KAT14: variants seen among roughly 807,000 people sequenced by gnomAD.
KAT14 encodes cysteine-rich protein 2-binding protein.
A neutral mutation model predicts 78.4 loss-of-function variants in KAT14; 66 were observed. The ratio of observed to expected loss-of-function variants is 0.84; its 90% CI spans 0.69 to 1.03. The LOEUF (loss-of-function observed/expected upper bound fraction) is 1.03, where lower values mean the gene tolerates loss of function less well. Ranked by LOEUF, KAT14 falls within the 50% of genes least tolerant of loss-of-function variation. The pLI, the probability that KAT14 is intolerant of heterozygous loss-of-function variation, is 0.00. For synonymous variants in KAT14, 344 were observed against 359.4 expected (o/e 0.96, Z 0.48); for missense variants, 870 against 972.5 (o/e 0.89, Z 1.40).
chr20:18,168,994 T>C (rs1205201), intron 7 of KAT14, among the ~76,000 whole-genome samples: 19,341 of 152,174 alleles, frequency 0.13, 1,814 homozygotes, highest in East Asian at 0.51. Flanking sequence ...TGTTCTTTTT[T>C]TTCATCTTTT....
At chr20:18,161,691 G>A (rs1460125012) in intron 5 of KAT14, 132 bp from the exon 6 acceptor site, 15 of 1,268,464 alleles carry the variant, frequency 1.2e-5, no homozygotes, top group Non-Finnish European at 1.5e-5. Context: ...TGTATTTCTG[G>A]GTTTGGGATA....
intron 2 of KAT14, among the ~76,000 whole-genome samples, chr20:18,144,378 T>C (rs1416043732): frequency 6.6e-6 from 1 of 152,220 alleles, no homozygotes; most frequent in Non-Finnish European, 1.5e-5. Flanking sequence ...GTTTCTTTGA[T>C]TCCCACACAA....
intron 7 of KAT14, among the ~76,000 whole-genome samples, chr20:18,177,258 C>A (rs1290338597): frequency 6.6e-6 from 1 of 152,182 alleles, no homozygotes; most frequent in East Asian, 1.9e-4. Context: ...GAGAGCCTCT[C>A]TTCCTCCAGA....
chr20:18,181,364 CTTTTTTTTTTTT>C (rs762890490), intron 7 of KAT14, among the ~76,000 whole-genome samples: 1 of 106,800 alleles, frequency 9.4e-6, no homozygotes, highest in Non-Finnish European at 1.9e-5. Flanking sequence ...AATTTTGTTT[CTTTTTTTTTTTT>C]TTTTTTTTTT....
intron 3 of KAT14, among the ~76,000 whole-genome samples, chr20:18,145,762 C>A (rs2037804318): frequency 6.6e-6 from 1 of 150,738 alleles, no homozygotes; most frequent in Admixed American, 6.6e-5. Flanking sequence ...GCTTGGGCGA[C>A]AAAGTGTGAC....
chr20:18,137,849 G>C (rs1459182525), upstream of KAT14: 8 of 1,181,730 alleles, frequency 6.8e-6, no homozygotes, highest in Non-Finnish European at 8.8e-6. Context: ...CTGGGGCTCT[G>C]CGCTCGAGGG....
At chr20:18,173,546 A>G (rs749698830) in intron 7 of KAT14, among the ~76,000 whole-genome samples, 9 of 151,544 alleles carry the variant, frequency 5.9e-5, no homozygotes, top group Middle Eastern at 6.9e-3. Flanking sequence ...GAAATTCCCC[A>G]TTATTGCTTC....
At chr20:18,138,445 G>T (rs116884076) in intron 1 of KAT14, 50,141 of 997,326 alleles carry the variant, frequency 0.05, 1,354 homozygotes, top group Middle Eastern at 0.082. Context: ...AAAATAGAAG[G>T]TGGGGAAGGA....
At chr20:18,186,397 A>G (rs2039455751) in intron 10 of KAT14, among the ~76,000 whole-genome samples, 1 of 152,226 alleles carries the variant, frequency 6.6e-6, no homozygotes. Context: ...TCCCTGGCAT[A>G]CTGGTAAGTG....
At chr20:18,168,943 A>G (rs2038753644) in intron 7 of KAT14, among the ~76,000 whole-genome samples, 1 of 144,252 alleles carries the variant, frequency 6.9e-6, no homozygotes, top group African/African-American at 2.5e-5. Context: ...TGTGTTTATT[A>G]CACCTTTTGT....
chr20:18,178,885 G>T (rs540323766), intron 7 of KAT14, among the ~76,000 whole-genome samples: 1 of 152,250 alleles, frequency 6.6e-6, no homozygotes, highest in Non-Finnish European at 1.5e-5. Context: ...CTGAGACAAG[G>T]CAAGTCCCTT....
intron 4 of KAT14, among the ~76,000 whole-genome samples, chr20:18,154,918 C>T (rs975096332): frequency 6.6e-6 from 1 of 152,174 alleles, no homozygotes; most frequent in African/African-American, 2.4e-5. Context: ...AAGGCCAGGA[C>T]TGTAAAAGCA....
chr20:18,139,171 G>T (rs2037423905), intron 1 of KAT14, among the ~76,000 whole-genome samples: 1 of 152,150 alleles, frequency 6.6e-6, no homozygotes, highest in Non-Finnish European at 1.5e-5. Context: ...TTTGACGAGG[G>T]GTTGAGATGA....
chr20:18,166,596 T>C (rs1284453288), intron 7 of KAT14, among the ~76,000 whole-genome samples: 1 of 152,248 alleles, frequency 6.6e-6, no homozygotes, highest in Non-Finnish European at 1.5e-5. Context: ...GGAAACTTTT[T>C]ACTTTCTACA....
intron 4 of KAT14, among the ~76,000 whole-genome samples, chr20:18,155,446 G>A (rs2038193062): frequency 6.6e-6 from 1 of 152,098 alleles, no homozygotes; most frequent in Admixed American, 6.6e-5. Flanking sequence ...TAGCATCCAG[G>A]GTGGGCAAAA....
chr20:18,162,707 G>C lies in KAT14; in HGVS notation c.1430G>C (p.Cys477Ser). The change falls in exon 7 of 11, where the codon TGT (cysteine) becomes TCT (serine). Residue 477 changes from cysteine (C) to serine (S), a missense_variant. Physicochemically the swap from Cys to Ser is moderately radical, Grantham distance 112 (BLOSUM62 -1). Coordinates refer to ENST00000688188, the MANE Select transcript of KAT14 (RefSeq NM_001392073.1). ...EKLLLKRLEA[C>S]PGAVAMTPEA... ...CTGCTGCTCAAGAGGCTGGAAGCTT[G>C]TCCCGGTGCTGTTGCCATGACTCCG... 1 of 1,614,230 alleles carries C rather than the reference G, an allele frequency of 6.2e-7. No individual in the cohort carries two copies.
At position 18,162,964 on chromosome 20, in the gene KAT14, T is replaced by C; in HGVS notation, c.1668+19T>C. On this transcript the variant is annotated intron_variant, in intron 7 of 10. Coordinates refer to ENST00000688188, the MANE Select transcript of KAT14 (RefSeq NM_001392073.1). ...ATACCAGGTGAATGCAAGCACTTGC[T>C]GTAAAGCCCTTGGGGGCAGGAGTGG... The C allele has an allele frequency of 6.2e-7, 1 of 1,609,276 alleles. No individual in the cohort carries two copies. Among genetic ancestry groups the C allele is most frequent in the Non-Finnish European group, 8.5e-7 (1 of 1,177,424 alleles).
chr20:18,153,740 G>A (rs1373119159), intron 4 of KAT14, among the ~76,000 whole-genome samples: 2 of 152,082 alleles, frequency 1.3e-5, no homozygotes, highest in African/African-American at 4.8e-5. Context: ...GTATATCACC[G>A]GAATTATTAT....
intron 7 of KAT14, among the ~76,000 whole-genome samples, chr20:18,180,932 GATGTATTT>G: frequency 6.6e-6 from 1 of 152,172 alleles, no homozygotes; most frequent in Non-Finnish European, 1.5e-5. Flanking sequence ...CCATATCAGA[GATGTATTT>G]CAAAAATTCT....
Sources: allele counts gnomAD v4.1 joint callset (sites outside exome capture counted in the v4.1 genomes callset), GRCh38; gene constraint gnomAD v4.1.1; transcripts MANE v1.5; gene names NCBI Gene and HGNC (gene_info 2026-07-23, HGNC 2026-07-21).